KLF12: variants seen among roughly 807,000 people sequenced by gnomAD.
KLF12 encodes Krueppel-like factor 12.
KLF12 carries 9 observed loss-of-function variants against 37.8 expected under a neutral mutation model. The observed-to-expected ratio is 0.24, with a 90% CI of 0.14 to 0.42. The LOEUF (loss-of-function observed/expected upper bound fraction) is 0.42. Ranked by LOEUF, KLF12 falls within the 10% of genes least tolerant of loss-of-function variation. The probability of loss-of-function intolerance (pLI) is 1.00; values close to 1 mark genes in which losing one functional copy is unlikely to be tolerated. For missense variants in KLF12, 411 were observed against 516.0 expected (o/e 0.80, Z 1.97); for synonymous variants, 208 against 202.1 (o/e 1.03, Z -0.25).
At chr13:74,078,924 C>CA (rs971297826) in intron 1 of KLF12, among the ~76,000 whole-genome samples, 27 of 152,180 alleles carry the variant, frequency 1.8e-4, no homozygotes, top group Middle Eastern at 3.4e-3. Context: ...AAATAAGAGA[C>CA]AAAAACTCTA....
the KLF12 span, among the ~76,000 whole-genome samples, chr13:74,160,695 G>A: frequency 2.6e-5 from 4 of 152,242 alleles, no homozygotes; most frequent in Admixed American, 6.5e-5. Flanking sequence ...AATCCAGAAA[G>A]GGAAGAAACC....
At chr13:74,265,964 C>T in the KLF12 span, among the ~76,000 whole-genome samples, 8 of 152,262 alleles carry the variant, frequency 5.3e-5, no homozygotes, top group South Asian at 1.7e-3. Context: ...TTCAACTCTC[C>T]AATTAGTTTG....
At chr13:74,123,531 C>G (rs36045304) in intron 1 of KLF12, among the ~76,000 whole-genome samples, 2,476 of 152,334 alleles carry the variant, frequency 0.016, 48 homozygotes, top group Middle Eastern at 0.034. Context: ...GCACCTAGCA[C>G]AAGCCTTGGC....
At chr13:73,853,695 C>T (rs978037836) in intron 3 of KLF12, among the ~76,000 whole-genome samples, 5 of 150,274 alleles carry the variant, frequency 3.3e-5, no homozygotes, top group South Asian at 2.1e-4. Context: ...GCTGAGATTG[C>T]GCCACTGCAC....
At chr13:74,107,708 A>T (rs1179192387) in intron 1 of KLF12, among the ~76,000 whole-genome samples, 2 of 152,230 alleles carry the variant, frequency 1.3e-5, no homozygotes. Flanking sequence ...AGCAGAAAGT[A>T]AAAATCAGGG....
chr13:74,050,387 T>G (rs1872832189), intron 1 of KLF12, among the ~76,000 whole-genome samples: 1 of 152,202 alleles, frequency 6.6e-6, no homozygotes, highest in Admixed American at 6.5e-5. Context: ...GAAAGGATGA[T>G]ATGCTTAGCA....
At chr13:73,848,698 G>A (rs935040149) in intron 3 of KLF12, among the ~76,000 whole-genome samples, 1 of 151,718 alleles carries the variant, frequency 6.6e-6, no homozygotes, top group Non-Finnish European at 1.5e-5. Context: ...TAGGTACTTT[G>A]AGACACTTAA....
chr13:74,208,004 A>C, the KLF12 span, among the ~76,000 whole-genome samples: 1 of 152,210 alleles, frequency 6.6e-6, no homozygotes, highest in African/African-American at 2.4e-5. Flanking sequence ...TTTAAAGCTT[A>C]AATCCAGTGC....
At chr13:74,173,826 T>G in the KLF12 span, among the ~76,000 whole-genome samples, 1 of 152,240 alleles carries the variant, frequency 6.6e-6, no homozygotes. Context: ...TCTGGGGTTA[T>G]ATAGCTTTAG....
intron 3 of KLF12, among the ~76,000 whole-genome samples, chr13:73,914,599 T>C (rs1888729698): frequency 6.6e-6 from 1 of 152,186 alleles, no homozygotes; most frequent in African/African-American, 2.4e-5. Context: ...TTAAACAAGG[T>C]TGGAGAACGC....
chr13:74,195,906 T>C, the KLF12 span, among the ~76,000 whole-genome samples: 7 of 152,218 alleles, frequency 4.6e-5, no homozygotes, highest in East Asian at 9.7e-4. Context: ...TTATGGCTGA[T>C]GGCCACACAC....
intron 5 of KLF12, among the ~76,000 whole-genome samples, chr13:73,765,958 A>G (rs981685404): frequency 1.3e-5 from 2 of 148,148 alleles, no homozygotes; most frequent in African/African-American, 4.8e-5. Context: ...AGTTCTCTGT[A>G]GTTGTTTAAT....
rs1047268849 is a variant in KLF12 at position 73,959,118 on chromosome 13, C to T, written c.34-15048G>A. Among the ~76,000 whole-genome samples the T allele has an allele frequency of 2.4e-3, 29 of 12,254 alleles. No homozygotes were observed. In the South Asian group the frequency reaches 0.051, roughly 22 times the overall value. The allele number at this position is 12,254 out of a possible 152,430, so 8.0% of individuals were successfully genotyped here. A position where few individuals can be genotyped will look rare whatever the true frequency, so the allele number is the denominator to read the frequency against. On this transcript the variant is annotated intron_variant, in intron 2 of 7. Coordinates refer to ENST00000377669, the MANE Select transcript of KLF12 (RefSeq NM_007249.5). ...TTCAGCATCTCTGACCTCCACACCC[C>T]CCTTCCAAAAAAAAACGCAGGCAAG... is the stretch of plus-strand genomic sequence containing the variant.
intron 1 of KLF12, among the ~76,000 whole-genome samples, chr13:74,070,344 G>A (rs1160486993): frequency 2.0e-5 from 3 of 152,176 alleles, no homozygotes; most frequent in African/African-American, 7.2e-5. Flanking sequence ...ACAGAGCTTC[G>A]CAGCAGGTGT....
chr13:73,925,353 G>A (rs1477811248), intron 3 of KLF12, among the ~76,000 whole-genome samples: 1 of 152,122 alleles, frequency 6.6e-6, no homozygotes, highest in East Asian at 1.9e-4. Flanking sequence ...AAAATCCTAG[G>A]GTCCTTAAGA....
chr13:74,286,786 C>T, the KLF12 span, among the ~76,000 whole-genome samples: 1 of 152,172 alleles, frequency 6.6e-6, no homozygotes, highest in Non-Finnish European at 1.5e-5. Flanking sequence ...TAATTTTATG[C>T]ACTTGCTGTG....
At chr13:74,160,314 A>C in the KLF12 span, among the ~76,000 whole-genome samples, 1 of 152,074 alleles carries the variant, frequency 6.6e-6, no homozygotes, top group Non-Finnish European at 1.5e-5. Context: ...GTTGAATGGC[A>C]CTCCTTCTAA....
intron 1 of KLF12, among the ~76,000 whole-genome samples, chr13:74,026,254 AT>A (rs1365348140): frequency 1.3e-5 from 2 of 151,996 alleles, no homozygotes; most frequent in East Asian, 3.9e-4. Flanking sequence ...ATAAAGAGGG[AT>A]GGAAGAGGAA....
chr13:74,278,459 C>T, the KLF12 span, among the ~76,000 whole-genome samples: 1 of 152,198 alleles, frequency 6.6e-6, no homozygotes, highest in Non-Finnish European at 1.5e-5. Context: ...CAACAACTCT[C>T]TTTCCTTCTT....
Sources: allele counts gnomAD v4.1 joint callset (sites outside exome capture counted in the v4.1 genomes callset), GRCh38; gene constraint gnomAD v4.1.1; transcripts MANE v1.5; gene names NCBI Gene and HGNC (gene_info 2026-07-23, HGNC 2026-07-21).